PHC2: variants seen among roughly 807,000 people sequenced by gnomAD.
The protein encoded by PHC2 is polyhomeotic-like protein 2.
PHC2 carries 29 observed loss-of-function variants against 87.4 expected under a neutral mutation model. The ratio of observed to expected loss-of-function variants is 0.33; its 90% CI spans 0.25 to 0.45. The LOEUF (loss-of-function observed/expected upper bound fraction) is 0.45, where lower values mean the gene tolerates loss of function less well. PHC2 is among the 20% of genes least tolerant of loss of function. The probability of loss-of-function intolerance (pLI) is 1.00; values close to 1 mark genes in which losing one functional copy is unlikely to be tolerated. For missense variants in PHC2, 857 were observed against 1,136.7 expected (o/e 0.75, Z 3.54); for synonymous variants, 438 against 461.7 (o/e 0.95, Z 0.66).
Position 33,392,548 on chromosome 1 carries a change from A to T in PHC2, c.-54-16955T>A, listed in dbSNP as rs1336048154. On this transcript the variant is annotated intron_variant, in intron 1 of 14. Coordinates refer to ENST00000683057, the MANE Select transcript of PHC2 (RefSeq NM_001385109.1). Reference sequence around the variant, plus strand: ...GCTTCTAAAAAGCACTTCAAATCTCAAAGTTGCTTCTATTATAGCTCCTGT... The same window carrying T: ...GCTTCTAAAAAGCACTTCAAATCTCTAAGTTGCTTCTATTATAGCTCCTGT... 3.3e-5 allele frequency: 5 copies of T among 152,262 alleles called. No individual in the cohort carries two copies. The East Asian group carries it at 9.7e-4, about 29-fold the overall frequency. 9.4% of individuals were successfully genotyped at this position (152,262 alleles called of 1,614,324 possible). A position where few individuals can be genotyped will look rare whatever the true frequency, so the allele number is the denominator to read the frequency against.
Position 33,411,844 on chromosome 1 carries a change from C to CCATT in PHC2, c.-55+19128_-55+19131dup, listed in dbSNP as rs533157931. 6.4e-4 allele frequency among the ~76,000 whole-genome samples: 98 copies of CCATT among 152,292 alleles called. No homozygotes were observed. The South Asian group carries it at 8.3e-3, about 13-fold the overall frequency. On this transcript the variant is annotated intron_variant, in intron 1 of 14. Coordinates refer to ENST00000683057, the MANE Select transcript of PHC2 (RefSeq NM_001385109.1). The stretch of plus-strand genomic sequence containing the variant: ...AAAGTGCTGGGATTACAGGCATGAG[C>CCATT]CATTCGCACCGGGCCTGATCATCTT...
chr1:33,370,731 A>G lies in PHC2; in HGVS notation c.412-146T>C, dbSNP rs982056277. The stretch of plus-strand genomic sequence containing the variant: ...GTCTGTGGTCCTTGGCTTTGGAGCA[A>G]TCCCCCAGCCCTGTCCCATCTCTGA... On this transcript the variant is annotated intron_variant, in intron 4 of 14. Transcript: ENST00000683057. The G allele has an allele frequency of 5.0e-6, 4 of 803,328 alleles. No homozygotes were observed. The African/African-American group carries it at 5.2e-5, about 10-fold the overall frequency. The allele number at this position is 803,328 out of a possible 1,614,324, so 49.8% of individuals were successfully genotyped here. A position where few individuals can be genotyped will look rare whatever the true frequency, so the allele number is the denominator to read the frequency against.
At chr1:33,344,182 C>G (rs1008159641) in intron 9 of PHC2, among the ~76,000 whole-genome samples, 1 of 152,080 alleles carries the variant, frequency 6.6e-6, no homozygotes, top group Non-Finnish European at 1.5e-5. Flanking sequence ...AAAAATAAAC[C>G]CAGTTTAAGA....
At chr1:33,362,553 G>T (rs1381583851) in intron 7 of PHC2, among the ~76,000 whole-genome samples, 3 of 152,182 alleles carry the variant, frequency 2.0e-5, no homozygotes, top group African/African-American at 7.2e-5. Context: ...TGTCTGAAAG[G>T]TATGAACTGA....
Position 33,408,491 on chromosome 1 carries a change from C to T in PHC2, c.-55+22485G>A, listed in dbSNP as rs547357960. The stretch of plus-strand genomic sequence containing the variant: ...TTGTTTTTGTTTTGAGATGAAGTCT[C>T]GCTCTGTCACCCAGGCTGGAGTGCA... On this transcript the variant is annotated intron_variant, in intron 1 of 14. Transcript: ENST00000683057. Among the ~76,000 whole-genome samples, 10 of 152,090 alleles carry T rather than the reference C, an allele frequency of 6.6e-5. No homozygotes were observed. The South Asian group carries it at 1.0e-3, about 16-fold the overall frequency.
In PHC2 at chr1:33,349,939, G is replaced by GGCGGGGCGAGGGA. The variant is rs1282078168; in HGVS notation, c.1558+4449_1558+4461dup. 1.8e-5 allele frequency: 14 copies of GGCGGGGCGAGGGA among 777,314 alleles called. No homozygotes were observed. Among genetic ancestry groups the GGCGGGGCGAGGGA allele is most frequent in the African/African-American group, 1.7e-4 (9 of 52,788 alleles). 48.2% of individuals were successfully genotyped at this position (777,314 alleles called of 1,614,324 possible). A position where few individuals can be genotyped will look rare whatever the true frequency, so the allele number is the denominator to read the frequency against. On this transcript the variant is annotated intron_variant, in intron 9 of 14. Transcript: ENST00000683057. This position sits in a 1 kb window ranked among gnomAD's most constrained non-coding sequence, Gnocchi z 4.2. ...GGCTCCCGCGGCCGCCTCCGCCGGGGGCGGGGCGAGGGAGCGGGGCGGGGA... is the reference window on the plus strand; with the variant it reads ...GGCTCCCGCGGCCGCCTCCGCCGGGGGCGGGGCGAGGGAGCGGGGCGAGGGAGCGGGGCGGGGA...
chr1:33,340,831 A>C (rs1236200844), intron 9 of PHC2, among the ~76,000 whole-genome samples: 3 of 151,334 alleles, frequency 2.0e-5, no homozygotes, highest in Admixed American at 6.6e-5. Context: ...TTTAAAATGC[A>C]AGTATACATC....
chr1:33,402,601 G>A (rs1001727899), intron 1 of PHC2, among the ~76,000 whole-genome samples: 6 of 151,966 alleles, frequency 3.9e-5, no homozygotes, highest in African/African-American at 1.5e-4. Flanking sequence ...TTAATTCAAT[G>A]GAATGCTATA....
chr1:33,357,612 C>A (rs1328475262), intron 7 of PHC2, among the ~76,000 whole-genome samples: 2 of 152,120 alleles, frequency 1.3e-5, no homozygotes, highest in African/African-American at 4.8e-5. Flanking sequence ...GATGGCGGAA[C>A]CTTTGTGGAA....
At chr1:33,365,696 G>A (rs1255409415) in intron 7 of PHC2, among the ~76,000 whole-genome samples, 1 of 152,250 alleles carries the variant, frequency 6.6e-6, no homozygotes, top group Non-Finnish European at 1.5e-5. Context: ...TGAGGCCTCC[G>A]TGGGGAGGTG....
chr1:33,426,035 T>C (rs1363934626), intron 1 of PHC2, among the ~76,000 whole-genome samples: 5 of 152,138 alleles, frequency 3.3e-5, no homozygotes, highest in Admixed American at 1.3e-4. Context: ...TGTCAGGACT[T>C]GGTCAAATCA....
intron 12 of PHC2, among the ~76,000 whole-genome samples, chr1:33,330,832 G>A (rs1646476795): frequency 6.6e-6 from 1 of 152,180 alleles, no homozygotes; most frequent in African/African-American, 2.4e-5. Flanking sequence ...TTGTACTTTG[G>A]CTTCCTAACC....
At chr1:33,348,891 TG>T (rs1259134063) in intron 9 of PHC2, among the ~76,000 whole-genome samples, 1 of 152,198 alleles carries the variant, frequency 6.6e-6, no homozygotes, top group Non-Finnish European at 1.5e-5. Flanking sequence ...GGGCACTGAC[TG>T]GTATCCGACA....
intron 7 of PHC2, among the ~76,000 whole-genome samples, chr1:33,365,492 C>T (rs188666143): frequency 4.6e-5 from 7 of 152,134 alleles, no homozygotes; most frequent in Non-Finnish European, 8.8e-5. Context: ...CCAGGGCATG[C>T]GGATTGAATG....
chr1:33,329,905 G>T (rs1482215008), intron 13 of PHC2, among the ~76,000 whole-genome samples, 166 bp downstream of exon 13: 1 of 152,162 alleles, frequency 6.6e-6, no homozygotes, highest in Non-Finnish European at 1.5e-5. Flanking sequence ...CTAAATGAAG[G>T]GACCTACTGG....
chr1:33,345,696 T>C, intron 9 of PHC2: 2 of 984,806 alleles, frequency 2.0e-6, no homozygotes, highest in Non-Finnish European at 2.4e-6. Context: ...TCATTTATAC[T>C]GGACTTTTGT....
chr1:33,416,131 A>G (rs1232482965), intron 1 of PHC2, among the ~76,000 whole-genome samples: 2 of 152,308 alleles, frequency 1.3e-5, no homozygotes, highest in African/African-American at 4.8e-5. Context: ...AAGTTTTCCA[A>G]ATTTGATGAA....
At chr1:33,416,940 GTAA>G (rs1352324383) in intron 1 of PHC2, among the ~76,000 whole-genome samples, 1 of 151,904 alleles carries the variant, frequency 6.6e-6, no homozygotes, top group African/African-American at 2.4e-5. Context: ...ACTACTTAAA[GTAA>G]TAATAAAACA....
At chr1:33,428,270 T>C (rs1399908098) in intron 1 of PHC2, among the ~76,000 whole-genome samples, 1 of 152,192 alleles carries the variant, frequency 6.6e-6, no homozygotes, top group Non-Finnish European at 1.5e-5. Flanking sequence ...AAATACAGGA[T>C]AGTATTTGCA....
Sources: gnomAD v4.1 joint callset for allele counts (sites outside exome capture counted in the v4.1 genomes callset) on GRCh38, gnomAD v4.1.1 for gene constraint, Gnocchi (gnomAD v3.1) non-coding constraint, MANE v1.5 for transcripts, NCBI Gene and HGNC (gene_info 2026-07-23, HGNC 2026-07-21) for gene names.